The following MYO16 variants were observed in gnomAD, a reference collection of about 807,000 sequenced individuals.
MYO16 encodes myosin XVI, also known as unconventional myosin-XVI.
In MYO16, 94 loss-of-function variants were observed where a neutral mutation model predicts 205.3. The observed-to-expected ratio is 0.46, with a 90% CI of 0.39 to 0.54. The LOEUF is 0.54. Among genes scored for constraint, MYO16 ranks in the 20% least tolerant of loss-of-function variants. MYO16 has a pLI of 0.00. For missense variants in MYO16, 2,315 were observed against 2,387.5 expected, an observed-to-expected ratio of 0.97 and a Z score of 0.63; for synonymous variants, 988 against 954.0, an observed-to-expected ratio of 1.04 and a Z score of -0.66.
At chr13:108,894,145 C>A (rs1880301066) in intron 14 of MYO16, among the ~76,000 whole-genome samples, 1 of 152,074 alleles carries the variant, frequency 6.6e-6, no homozygotes, top group Admixed American at 6.5e-5. Context: ...AGTTTTAAAC[C>A]ATAGATCTCA....
At chr13:108,977,570 G>T (rs563606180) in intron 20 of MYO16, among the ~76,000 whole-genome samples, 7 of 151,924 alleles carry the variant, frequency 4.6e-5, no homozygotes, top group African/African-American at 1.7e-4. Flanking sequence ...TGTTCCTACC[G>T]CAAGGTCATC....
intron 4 of MYO16, among the ~76,000 whole-genome samples, chr13:108,740,920 G>C (rs1456453478): frequency 6.6e-6 from 1 of 152,154 alleles, no homozygotes. Flanking sequence ...TGTGGGCGTG[G>C]GACCCTCTGA....
intron 8 of MYO16, among the ~76,000 whole-genome samples, chr13:108,821,307 A>G (rs1875960044): frequency 6.6e-6 from 1 of 152,128 alleles, no homozygotes; most frequent in South Asian, 2.1e-4. Context: ...ATTTATTGGA[A>G]TTAAGTATCA....
At chr13:108,678,110 G>A (rs144881802) in intron 2 of MYO16, among the ~76,000 whole-genome samples, 193 of 152,314 alleles carry the variant, frequency 1.3e-3, no homozygotes, top group Admixed American at 3.7e-3. Context: ...AGATGTAGAC[G>A]TGCCATTTAT....
At chr13:108,642,479 G>C (rs527748117) in intron 1 of MYO16, among the ~76,000 whole-genome samples, 5 of 152,272 alleles carry the variant, frequency 3.3e-5, no homozygotes, top group African/African-American at 1.2e-4. Context: ...GTCTCGCTCT[G>C]TCACCCAGAC....
chr13:109,182,896 G>A (rs887512152), intron 34 of MYO16, among the ~76,000 whole-genome samples: 2 of 152,150 alleles, frequency 1.3e-5, no homozygotes, highest in Admixed American at 6.5e-5. Flanking sequence ...AGCAAAAGCT[G>A]GGACATTTGC....
upstream of MYO16, among the ~76,000 whole-genome samples, chr13:108,591,462 G>A (rs142071027): frequency 7.9e-5 from 12 of 151,878 alleles, no homozygotes; most frequent in Non-Finnish European, 1.6e-4. Flanking sequence ...AAAAAGTCAG[G>A]CTCATAAATG....
At chr13:109,072,774 A>G (rs545312855) in intron 27 of MYO16, among the ~76,000 whole-genome samples, 12 of 152,314 alleles carry the variant, frequency 7.9e-5, no homozygotes, top group Admixed American at 3.3e-4. Context: ...CAGATAAACA[A>G]CAAATGTCAA....
intron 15 of MYO16, among the ~76,000 whole-genome samples, chr13:108,901,225 T>A (rs1467518454): frequency 6.6e-6 from 1 of 152,158 alleles, no homozygotes; most frequent in African/African-American, 2.4e-5. Flanking sequence ...CTTGTGATAT[T>A]TTATTACCTT....
chr13:108,592,942 A>T (rs1163266251), upstream of MYO16, among the ~76,000 whole-genome samples: 1 of 152,092 alleles, frequency 6.6e-6, no homozygotes, highest in African/African-American at 2.4e-5. Flanking sequence ...TCTCCAGAGA[A>T]AATTGCAATC....
chr13:108,555,578 T>C, the MYO16 span, among the ~76,000 whole-genome samples: 17 of 152,342 alleles, frequency 1.1e-4, no homozygotes, highest in Non-Finnish European at 7.4e-5. Context: ...CTCACATAGT[T>C]ATCTTTTTTT....
the MYO16 span, among the ~76,000 whole-genome samples, chr13:108,503,727 C>A: frequency 2.0e-5 from 3 of 152,044 alleles, no homozygotes; most frequent in East Asian, 1.9e-4. Context: ...AGGATTACAT[C>A]AAAAATAAAT....
intron 27 of MYO16, among the ~76,000 whole-genome samples, chr13:109,059,922 G>A (rs1887535517): frequency 6.6e-6 from 1 of 151,976 alleles, no homozygotes. Flanking sequence ...AATCCATCTT[G>A]AGTCAAAACC....
chr13:109,008,832 T>C (rs1396309738), intron 21 of MYO16, 65 bp from the exon 22 acceptor site: 2 of 1,215,072 alleles, frequency 1.6e-6, no homozygotes, highest in Non-Finnish European at 1.2e-6. Flanking sequence ...ACTACTGTAC[T>C]ATCTATCTTG....
the MYO16 span, among the ~76,000 whole-genome samples, chr13:108,517,738 G>T: frequency 2.0e-5 from 3 of 152,160 alleles, no homozygotes; most frequent in East Asian, 5.8e-4. Flanking sequence ...TATTTTGTTT[G>T]TTATTATTGT....
intron 13 of MYO16, among the ~76,000 whole-genome samples, chr13:108,886,652 T>C (rs1321144018): frequency 6.6e-6 from 1 of 151,944 alleles, no homozygotes; most frequent in Non-Finnish European, 1.5e-5. Flanking sequence ...TTGATTTCCC[T>C]TGCTGCACGT....
In MYO16 at chr13:108,898,077, G is replaced by A; in HGVS notation, c.1721G>A (p.Cys574Tyr). 2 of 1,614,080 alleles carry A rather than the reference G, an allele frequency of 1.2e-6. No homozygotes were observed. Among genetic ancestry groups the A allele is most frequent in the Non-Finnish European group, 1.7e-6 (2 of 1,179,960 alleles). Residue 574 changes from cysteine to tyrosine, a missense_variant, in exon 15 of 35, where the codon TGC becomes TAC. Coordinates refer to ENST00000457511, the MANE Select transcript of MYO16 (RefSeq NM_001198950.3). ...AKTTLNDLSS[C>Y]FIKYFELQFC... is the part of the protein sequence containing the mutation. ...ACCACACTTAATGATTTGTCCAGTT[G>A]CTTCATCAAGTATTTTGAACTGCAG...
chr13:109,100,962 C>A, intron 28 of MYO16, 75 bp downstream of exon 28: 2 of 1,284,076 alleles, frequency 1.6e-6, no homozygotes, highest in Non-Finnish European at 2.2e-6. Flanking sequence ...CAGGGAGCCA[C>A]CAGAATCTTC....
intron 34 of MYO16, among the ~76,000 whole-genome samples, chr13:109,197,287 G>A (rs1289279053): frequency 6.6e-6 from 1 of 152,202 alleles, no homozygotes; most frequent in African/African-American, 2.4e-5. Context: ...CTGTGAATGT[G>A]AAATACAACT....
Sources: gnomAD v4.1 joint callset for allele counts (sites outside exome capture counted in the v4.1 genomes callset) on GRCh38, gnomAD v4.1.1 for gene constraint, MANE v1.5 for transcripts, NCBI Gene and HGNC (gene_info 2026-07-23, HGNC 2026-07-21) for gene names.